The following OPHN1 variants were observed in gnomAD, a reference collection of about 807,000 sequenced individuals.
The protein encoded by OPHN1 is oligophrenin-1.
In OPHN1, 11 loss-of-function variants were observed where a neutral mutation model predicts 60.7. That is an observed-to-expected ratio of 0.18 (90% CI 0.11 to 0.30). OPHN1 has a LOEUF of 0.30. Among genes scored for constraint, OPHN1 ranks in the 10% least tolerant of loss-of-function variants. OPHN1 has a pLI of 1.00. For synonymous variants in OPHN1, 226 were observed against 222.6 expected (o/e 1.02, Z -0.14); for missense variants, 449 against 611.0 (o/e 0.73, Z 2.80).
chrX:68,358,053 G>A (rs1290057271), intron 2 of OPHN1, among the ~76,000 whole-genome samples: 2 of 108,161 alleles, frequency 1.8e-5, no homozygotes, highest in African/African-American at 6.7e-5. Context: ...CATTTTAGGA[G>A]GCCGAGAGGG....
intron 15 of OPHN1, among the ~76,000 whole-genome samples, chrX:68,147,202 G>A (rs926156620): frequency 3.6e-5 from 4 of 111,470 alleles, no homozygotes; most frequent in African/African-American, 1.3e-4. Flanking sequence ...TACTCTAACA[G>A]TAGGAATTAG....
At chrX:68,181,567 G>C (rs2077437023) in intron 15 of OPHN1, among the ~76,000 whole-genome samples, 1 of 111,479 alleles carries the variant, frequency 9.0e-6, no homozygotes, top group Non-Finnish European at 1.9e-5. Context: ...GTTCACGCCT[G>C]TAATCCGAGC....
chrX:68,423,592 C>T (rs2078840937), intron 2 of OPHN1, among the ~76,000 whole-genome samples: 1 of 110,777 alleles, frequency 9.0e-6, no homozygotes, highest in African/African-American at 3.3e-5. Flanking sequence ...TACATTCCAA[C>T]CCCCCAGCTT....
intron 2 of OPHN1, among the ~76,000 whole-genome samples, chrX:68,333,578 T>G (rs745688249): frequency 9.9e-5 from 11 of 110,792 alleles, no homozygotes; most frequent in African/African-American, 2.9e-4. Context: ...GAGGTTGCTG[T>G]GAGCTGAAAT....
intron 2 of OPHN1, among the ~76,000 whole-genome samples, chrX:68,379,195 A>G (rs1409252081): frequency 9.0e-6 from 1 of 110,915 alleles, no homozygotes; most frequent in African/African-American, 3.3e-5. Flanking sequence ...CTTTGAAGCA[A>G]TTGTGAATGG....
intron 5 of OPHN1, among the ~76,000 whole-genome samples, chrX:68,259,455 A>G (rs1044829814): frequency 9.0e-6 from 1 of 111,347 alleles, no homozygotes; most frequent in Admixed American, 9.6e-5. Context: ...TGTCTCAAAA[A>G]AAAGATAATT....
At chrX:68,350,478 C>CCTTTCCTCCTTTCCTCCTTT (rs1482178030) in intron 2 of OPHN1, among the ~76,000 whole-genome samples, 2 of 69,864 alleles carry the variant, frequency 2.9e-5, no homozygotes, top group African/African-American at 7.0e-5. Flanking sequence ...CTTCCTCCCT[C>CCTTTCCTCCTTTCCTCCTTT]CCTCCCTTCC....
intron 15 of OPHN1, among the ~76,000 whole-genome samples, chrX:68,153,066 C>A (rs375743218): frequency 1.8e-5 from 2 of 108,514 alleles, no homozygotes; most frequent in South Asian, 8.3e-4. Flanking sequence ...CAAAAACCAG[C>A]TGGGTGTGGT....
At chrX:68,263,592 T>C (rs1219715069) in intron 5 of OPHN1, among the ~76,000 whole-genome samples, 1 of 111,726 alleles carries the variant, frequency 9.0e-6, no homozygotes, top group Non-Finnish European at 1.9e-5. Flanking sequence ...TACTAAGAAC[T>C]TTATATATGT....
At chrX:68,073,663 G>C (rs112241996) in intron 19 of OPHN1, among the ~76,000 whole-genome samples, 2 of 112,007 alleles carry the variant, frequency 1.8e-5, no homozygotes, top group African/African-American at 6.5e-5. Context: ...CCACTTCACA[G>C]AGTGTGGTAA....
chrX:68,208,692 A>AC (rs1858810399), intron 9 of OPHN1, among the ~76,000 whole-genome samples: 1 of 111,971 alleles, frequency 8.9e-6, no homozygotes, highest in South Asian at 3.8e-4. Context: ...AAATCAGAAT[A>AC]CTGAAGCACA....
Position 68,212,212 on chromosome X carries a change from C to T in OPHN1, c.598G>A (p.Val200Ile). 8.7e-7 allele frequency: 1 copy of T among 1,153,652 alleles called. No homozygotes were observed. Among genetic ancestry groups the T allele is most frequent in the Non-Finnish European group, 1.2e-6 (1 of 845,176 alleles). ...ESKKFNIVEP[V>I]LAFLHSLFIS... Reference sequence around the variant, plus strand: ...AACAGACTATGAAGAAAGGCCAAGACCTAGGGAAAACATGTAAAAATAACT... The same window carrying T: ...AACAGACTATGAAGAAAGGCCAAGATCTAGGGAAAACATGTAAAAATAACT... The change falls in exon 8 of 25, where the codon GTC becomes ATC. Residue 200 changes from valine (V) to isoleucine (I), a missense_variant and splice_region_variant. By Grantham distance (29) the Val-to-Ile change is conservative. Around this residue, in one of 4 missense-constraint regions of OPHN1, gnomAD observed 99 missense variants for 155.2 expected, o/e 0.64. Coordinates refer to ENST00000355520, the MANE Select transcript of OPHN1 (RefSeq NM_002547.3).
chrX:68,269,262 A>C (rs1052005236), intron 5 of OPHN1, among the ~76,000 whole-genome samples: 2 of 111,644 alleles, frequency 1.8e-5, no homozygotes, highest in African/African-American at 6.5e-5. Flanking sequence ...GGAACCAAAA[A>C]AGAGCCCACA....
intron 15 of OPHN1, among the ~76,000 whole-genome samples, chrX:68,170,904 C>T (rs1013966740): frequency 1.7e-4 from 18 of 108,520 alleles, no homozygotes; most frequent in Non-Finnish European, 3.4e-4. Context: ...GCACATTGTG[C>T]ACATGTACCC....
At chrX:68,268,866 T>C (rs1363558825) in intron 5 of OPHN1, among the ~76,000 whole-genome samples, 1 of 111,926 alleles carries the variant, frequency 8.9e-6, no homozygotes, top group African/African-American at 3.2e-5. Context: ...CAAAATCTCC[T>C]TTAGCTGATA....
intron 6 of OPHN1, among the ~76,000 whole-genome samples, chrX:68,219,704 C>A (rs1324387894): frequency 9.2e-6 from 1 of 109,204 alleles, no homozygotes; most frequent in Non-Finnish European, 1.9e-5. Flanking sequence ...GAAATGAAGG[C>A]AGAAATAAAG....
intron 3 of OPHN1, among the ~76,000 whole-genome samples, chrX:68,292,630 G>A (rs2078075921): frequency 1.8e-5 from 2 of 111,346 alleles, no homozygotes; most frequent in Admixed American, 9.6e-5. Context: ...GCTCAAGTGA[G>A]TCACTCACAT....
intron 2 of OPHN1, among the ~76,000 whole-genome samples, chrX:68,337,180 T>C (rs2078328059): frequency 9.0e-6 from 1 of 111,380 alleles, no homozygotes; most frequent in Admixed American, 9.6e-5. Flanking sequence ...GGTACACTTG[T>C]TCCCTTCCTT....
chrX:68,338,776 C>T (rs1317663683), intron 2 of OPHN1, among the ~76,000 whole-genome samples: 1 of 111,468 alleles, frequency 9.0e-6, no homozygotes, highest in African/African-American at 3.3e-5. Context: ...TGCAATGTTG[C>T]TCCAACATAC....
Sources: allele counts gnomAD v4.1 joint callset (sites outside exome capture counted in the v4.1 genomes callset), GRCh38; gene constraint gnomAD v4.1.1; regional missense constraint gnomAD v4.1.1; transcripts MANE v1.5; gene names NCBI Gene and HGNC (gene_info 2026-07-23, HGNC 2026-07-21).